Variants in TAFA1 observed in about 807,000 individuals in gnomAD.
TAFA1 encodes TAFA chemokine like family member 1.
TAFA1 carries 4 observed loss-of-function variants against 18.5 expected under a neutral mutation model. That is an observed-to-expected ratio of 0.22 (90% CI 0.11 to 0.49). The LOEUF is 0.49. TAFA1 is among the 20% of genes least tolerant of loss of function. The probability of loss-of-function intolerance (pLI) is 0.98; values close to 1 mark genes in which losing one functional copy is unlikely to be tolerated. For synonymous variants in TAFA1, 56 were observed against 55.2 expected, an observed-to-expected ratio of 1.01 and a Z score of -0.06; for missense variants, 147 against 169.0, an observed-to-expected ratio of 0.87 and a Z score of 0.72.
chr3:68,362,634 A>G (rs2069489744), intron 2 of TAFA1, among the ~76,000 whole-genome samples: 1 of 152,122 alleles, frequency 6.6e-6, no homozygotes, highest in Non-Finnish European at 1.5e-5. Flanking sequence ...ACAGGAATGG[A>G]GTGGAAATGC....
intron 2 of TAFA1, among the ~76,000 whole-genome samples, chr3:68,348,237 A>G (rs1319552537): frequency 4.6e-5 from 7 of 152,164 alleles, no homozygotes; most frequent in Admixed American, 6.6e-5. Flanking sequence ...TGTAAAAATT[A>G]AATAACATAA....
chr3:68,294,820 T>C (rs2068179281), intron 2 of TAFA1, among the ~76,000 whole-genome samples: 1 of 152,060 alleles, frequency 6.6e-6, no homozygotes, highest in Non-Finnish European at 1.5e-5. Flanking sequence ...GAGGCTGCAG[T>C]GAGCCATGAT....
intron 2 of TAFA1, among the ~76,000 whole-genome samples, chr3:68,018,873 T>C (rs186627116): frequency 1.9e-3 from 297 of 152,366 alleles, no homozygotes; most frequent in African/African-American, 6.9e-3. Flanking sequence ...CTCGGTTTAC[T>C]GAGTGCTTGC....
chr3:68,228,816 GA>G (rs1289913918), intron 2 of TAFA1, among the ~76,000 whole-genome samples: 1 of 152,198 alleles, frequency 6.6e-6, no homozygotes, highest in Non-Finnish European at 1.5e-5. Context: ...ACTTGCAAGT[GA>G]AACAGATGAG....
intron 2 of TAFA1, among the ~76,000 whole-genome samples, chr3:68,398,634 G>C (rs766194050): frequency 1.3e-5 from 2 of 152,144 alleles, no homozygotes; most frequent in African/African-American, 2.4e-5. Context: ...TTACTGTGAG[G>C]AAGAAAACTT....
At chr3:68,322,121 A>G (rs781033219) in intron 2 of TAFA1, among the ~76,000 whole-genome samples, 1 of 152,176 alleles carries the variant, frequency 6.6e-6, no homozygotes, top group Non-Finnish European at 1.5e-5. Flanking sequence ...CTAATTTCCT[A>G]ATTTCCTGGG....
At chr3:68,524,552 C>T (rs559313420) in intron 3 of TAFA1, among the ~76,000 whole-genome samples, 7 of 152,190 alleles carry the variant, frequency 4.6e-5, no homozygotes, top group Admixed American at 6.5e-5. Flanking sequence ...ATTATTAAAC[C>T]ACTATTGCTA....
At chr3:68,196,066 G>A (rs1007960601) in intron 2 of TAFA1, among the ~76,000 whole-genome samples, 1 of 151,826 alleles carries the variant, frequency 6.6e-6, no homozygotes, top group South Asian at 2.1e-4. Flanking sequence ...TCACAAAGCT[G>A]AGGTTTTGAG....
intron 2 of TAFA1, among the ~76,000 whole-genome samples, chr3:68,234,385 G>A (rs1410419279): frequency 6.6e-6 from 1 of 152,020 alleles, no homozygotes; most frequent in Non-Finnish European, 1.5e-5. Context: ...ATATATATAG[G>A]GCTTGAGGAG....
intron 2 of TAFA1, among the ~76,000 whole-genome samples, chr3:68,383,709 G>A (rs1325270148): frequency 6.6e-6 from 1 of 152,120 alleles, no homozygotes; most frequent in African/African-American, 2.4e-5. Flanking sequence ...AATGAGGTAG[G>A]GAGGAGTCCC....
intron 3 of TAFA1, among the ~76,000 whole-genome samples, chr3:68,495,086 C>T (rs1381883739): frequency 6.6e-6 from 1 of 152,264 alleles, no homozygotes; most frequent in East Asian, 1.9e-4. Flanking sequence ...AACTGATGTT[C>T]TCCATTCTGT....
At chr3:68,416,688 A>G (rs560093098) in intron 2 of TAFA1, among the ~76,000 whole-genome samples, 4 of 152,282 alleles carry the variant, frequency 2.6e-5, no homozygotes, top group Middle Eastern at 3.4e-3. Context: ...AAGCTATATG[A>G]CCAGGACTGC....
chr3:68,506,986 C>T (rs951982273), intron 3 of TAFA1, among the ~76,000 whole-genome samples: 2 of 152,140 alleles, frequency 1.3e-5, no homozygotes, highest in Admixed American at 1.3e-4. Context: ...GGAAGGTCTT[C>T]GATATTTTAA....
At chr3:68,321,962 C>T (rs2068702502) in intron 2 of TAFA1, among the ~76,000 whole-genome samples, 1 of 152,198 alleles carries the variant, frequency 6.6e-6, no homozygotes. Context: ...CCATGCATTT[C>T]AGCGCTATCC....
At chr3:68,372,684 C>T (rs1292578343) in intron 2 of TAFA1, among the ~76,000 whole-genome samples, 1 of 152,008 alleles carries the variant, frequency 6.6e-6, no homozygotes, top group Admixed American at 6.6e-5. Context: ...GCTGGAAAAA[C>T]ACAATTTGGG....
intron 2 of TAFA1, among the ~76,000 whole-genome samples, chr3:68,345,086 A>G (rs2069144108): frequency 1.3e-5 from 2 of 152,014 alleles, no homozygotes; most frequent in Admixed American, 6.5e-5. Context: ...TTTAGATCTC[A>G]GGAGATTGGC....
At chr3:68,362,247 A>G (rs2069481116) in intron 2 of TAFA1, among the ~76,000 whole-genome samples, 1 of 152,128 alleles carries the variant, frequency 6.6e-6, no homozygotes, top group South Asian at 2.1e-4. Context: ...GAGGGACTGC[A>G]AGGTGTGTAT....
intron 3 of TAFA1, among the ~76,000 whole-genome samples, chr3:68,492,288 C>G (rs1178393011): frequency 6.6e-6 from 1 of 152,108 alleles, no homozygotes; most frequent in Non-Finnish European, 1.5e-5. Flanking sequence ...TCTTATGGAC[C>G]CATTCTATTT....
At chr3:68,126,485 A>G (rs2065466540) in intron 2 of TAFA1, among the ~76,000 whole-genome samples, 1 of 152,230 alleles carries the variant, frequency 6.6e-6, no homozygotes, top group African/African-American at 2.4e-5. Context: ...ATTTTCCCCC[A>G]AAATCTTGAA....
Sources: gnomAD v4.1 joint callset for allele counts (sites outside exome capture counted in the v4.1 genomes callset) on GRCh38, gnomAD v4.1.1 for gene constraint, MANE v1.5 for transcripts, NCBI Gene and HGNC (gene_info 2026-07-23, HGNC 2026-07-21) for gene names.